SAMD8: variants seen among roughly 807,000 people sequenced by gnomAD.
SAMD8 encodes the protein sterile alpha motif domain containing 8, also known as sphingomyelin synthase-related protein 1.
In SAMD8, 20 loss-of-function variants were observed where a neutral mutation model predicts 42.0. That is an observed-to-expected ratio of 0.48 (90% CI 0.34 to 0.69). The LOEUF (loss-of-function observed/expected upper bound fraction) is 0.69, where lower values mean the gene tolerates loss of function less well. Among genes scored for constraint, SAMD8 ranks in the 30% least tolerant of loss-of-function variants. SAMD8 has a pLI of 0.01. For synonymous variants in SAMD8, 162 were observed against 173.0 expected (o/e 0.94, Z 0.50); for missense variants, 328 against 511.6 (o/e 0.64, Z 3.46).
At chr10:75,100,078 C>T (rs1848054471) in intron 1 of SAMD8, among the ~76,000 whole-genome samples, 1 of 152,078 alleles carries the variant, frequency 6.6e-6, no homozygotes, top group Non-Finnish European at 1.5e-5. Flanking sequence ...GGACAGGCTC[C>T]GGGCTCAGGC....
intron 2 of SAMD8, among the ~76,000 whole-genome samples, chr10:75,162,037 C>CA (rs1010755766): frequency 7.9e-4 from 120 of 151,886 alleles, no homozygotes; most frequent in African/African-American, 2.8e-3. Context: ...CACTCCGTCT[C>CA]AAAAAAATAA....
intron 3 of SAMD8, 126 bp downstream of exon 3, chr10:75,164,866 T>G: frequency 1.4e-6 from 1 of 700,204 alleles, no homozygotes; most frequent in Non-Finnish European, 2.5e-6. Context: ...ACATAGTTAT[T>G]AACAAAGGAT....
At chr10:75,120,989 G>A (rs1848993321) in intron 1 of SAMD8, among the ~76,000 whole-genome samples, 1 of 151,756 alleles carries the variant, frequency 6.6e-6, no homozygotes, top group Non-Finnish European at 1.5e-5. Context: ...TGTTGACCAG[G>A]CTTGTCTTGA....
intron 3 of SAMD8, among the ~76,000 whole-genome samples, chr10:75,166,236 G>A (rs1357932386): frequency 6.6e-6 from 1 of 151,974 alleles, no homozygotes; most frequent in Non-Finnish European, 1.5e-5. Context: ...GAAGCCTGGG[G>A]GGCTCCTTTC....
chr10:75,141,493 G>GCAAATAGAGT (rs2134462016), intron 1 of SAMD8, among the ~76,000 whole-genome samples: 1 of 151,426 alleles, frequency 6.6e-6, no homozygotes, highest in East Asian at 1.9e-4. Flanking sequence ...CAAGTTGTCA[G>GCAAATAGAGT]CAAATAGAGT....
upstream of SAMD8, chr10:75,109,317 C>T: frequency 1.5e-6 from 1 of 672,964 alleles, no homozygotes; most frequent in Non-Finnish European, 2.2e-6. Flanking sequence ...CTCCCCAAGC[C>T]TCCCCCCACC....
At chr10:75,158,872 T>A (rs1487117073) in intron 2 of SAMD8, among the ~76,000 whole-genome samples, 9 of 152,202 alleles carry the variant, frequency 5.9e-5, no homozygotes, top group Admixed American at 5.9e-4. Flanking sequence ...TCATCCGTAC[T>A]GTAGCATGTA....
At chr10:75,104,500 G>A (rs1210710254) in intron 1 of SAMD8, among the ~76,000 whole-genome samples, 1 of 152,144 alleles carries the variant, frequency 6.6e-6, no homozygotes, top group Admixed American at 6.5e-5. Flanking sequence ...GAGGTCAGAG[G>A]TCAGGGAGCC....
intron 1 of SAMD8, among the ~76,000 whole-genome samples, chr10:75,141,584 C>T (rs568383044): frequency 6.7e-6 from 1 of 150,316 alleles, no homozygotes; most frequent in Admixed American, 6.6e-5. Flanking sequence ...CTCTGTCTCC[C>T]AGGCTGGAGT....
chr10:75,173,594 G>A (rs1043267441), intron 4 of SAMD8, among the ~76,000 whole-genome samples: 1 of 152,122 alleles, frequency 6.6e-6, no homozygotes, highest in African/African-American at 2.4e-5. Context: ...TTTACTACAT[G>A]ATTTTTTACT....
At chr10:75,168,486 G>GT (rs1840745902) in intron 3 of SAMD8, 55 bp from the exon 4 acceptor site, 3 of 1,593,048 alleles carry the variant, frequency 1.9e-6, no homozygotes, top group Admixed American at 1.7e-5. Context: ...GATGCCTGGG[G>GT]TTTTTTGGTT....
chr10:75,157,908 C>T (rs1448665610), intron 2 of SAMD8, among the ~76,000 whole-genome samples: 2 of 152,102 alleles, frequency 1.3e-5, no homozygotes, highest in African/African-American at 4.8e-5. Flanking sequence ...GCCTATAATC[C>T]CAGCACTTTG....
At chr10:75,109,352 T>A, upstream of SAMD8, 1 of 507,052 alleles carries the variant, frequency 2.0e-6, no homozygotes, top group Non-Finnish European at 3.3e-6. Flanking sequence ...GAACACAGAA[T>A]CAGAGAGACC....
intron 1 of SAMD8, among the ~76,000 whole-genome samples, chr10:75,138,635 A>G (rs1179079558): frequency 6.6e-6 from 1 of 152,202 alleles, no homozygotes; most frequent in Non-Finnish European, 1.5e-5. Flanking sequence ...TAGAAAATAT[A>G]CTGAGTTCTT....
chr10:75,100,394 C>T (rs980412075), intron 1 of SAMD8, among the ~76,000 whole-genome samples: 1 of 152,166 alleles, frequency 6.6e-6, no homozygotes, highest in African/African-American at 2.4e-5. Context: ...CCAGCCCATC[C>T]CATCAGTCAG....
chr10:75,159,830 C>T (rs1030537077), intron 2 of SAMD8, among the ~76,000 whole-genome samples: 1 of 152,190 alleles, frequency 6.6e-6, no homozygotes, highest in African/African-American at 2.4e-5. Flanking sequence ...TCTCATAACC[C>T]ACTACCCTGT....
chr10:75,139,527 G>A (rs1793556826), intron 1 of SAMD8, among the ~76,000 whole-genome samples: 1 of 152,228 alleles, frequency 6.6e-6, no homozygotes. Context: ...ATATTTAATA[G>A]CATTAGACAG....
At chr10:75,141,941 T>TC (rs1840026164) in intron 1 of SAMD8, among the ~76,000 whole-genome samples, 1 of 152,030 alleles carries the variant, frequency 6.6e-6, no homozygotes, top group Non-Finnish European at 1.5e-5. Flanking sequence ...CTTTTTTTTT[T>TC]CCTTACACTT....
intron 2 of SAMD8, among the ~76,000 whole-genome samples, chr10:75,153,345 C>G (rs1253094433): frequency 6.6e-6 from 1 of 152,028 alleles, no homozygotes; most frequent in African/African-American, 2.4e-5. Flanking sequence ...CATTAGGGCT[C>G]ATACCTGTGA....
Sources: gnomAD v4.1 joint callset for allele counts (sites outside exome capture counted in the v4.1 genomes callset) on GRCh38, gnomAD v4.1.1 for gene constraint, MANE v1.5 for transcripts, NCBI Gene and HGNC (gene_info 2026-07-23, HGNC 2026-07-21) for gene names.